The following DNAH11 variants were observed in gnomAD, a reference collection of about 807,000 sequenced individuals.
DNAH11 encodes axonemal beta dynein heavy chain 11.
DNAH11 carries 442 observed loss-of-function variants against 526.0 expected under a neutral mutation model. The observed-to-expected ratio is 0.84, with a 90% confidence interval of 0.78 to 0.91. The LOEUF (loss-of-function observed/expected upper bound fraction) is 0.91, where lower values mean the gene tolerates loss of function less well. Among genes scored for constraint, DNAH11 ranks in the 40% least tolerant of loss-of-function variants. DNAH11 has a pLI of 0.00. For missense variants in DNAH11, 6,989 were observed against 5,448.7 expected (o/e 1.28, Z -8.90); for synonymous variants, 2,461 against 1,935.9 (o/e 1.27, Z -7.12).
chr7:21,591,260 C>T lies in DNAH11; in HGVS notation c.2350C>T (p.Leu784=), dbSNP rs1318536779. The change falls in exon 14 of 82, where the codon CTG becomes TTG. Residue 784 remains leucine (L), a synonymous_variant. Transcript: ENST00000409508. ...GACGCTCCTGGAAGTTGAATACCCT[C>T]TGATTGAAGATGAGCTGAGGGCTAT... ...KQTLLEVEYP[L]IEDELRAIDE... is the part of the protein sequence containing the mutation. 2 of 1,605,550 alleles carry T rather than the reference C, an allele frequency of 1.2e-6. No individual in the cohort carries two copies. The highest frequency in any genetic ancestry group is 1.3e-5 in the African/African-American group (1 of 74,446).
chr7:21,814,368 ATTTT>A (rs1322356180), intron 63 of DNAH11, among the ~76,000 whole-genome samples: 9 of 149,280 alleles, frequency 6.0e-5, no homozygotes, highest in Non-Finnish European at 1.0e-4. Context: ...TTATTTTTTT[ATTTT>A]TATTTTTTAT....
At chr7:21,670,868 G>A (rs913685214) in intron 30 of DNAH11, among the ~76,000 whole-genome samples, 26 of 86,242 alleles carry the variant, frequency 3.0e-4, no homozygotes, top group East Asian at 2.8e-3. Flanking sequence ...AAGTGTGTAC[G>A]TGTGTGTGTG....
intron 42 of DNAH11, among the ~76,000 whole-genome samples, chr7:21,715,873 C>CT (rs1784645359): frequency 1.4e-5 from 2 of 146,968 alleles, no homozygotes; most frequent in Admixed American, 6.8e-5. Flanking sequence ...CCCACCCCCA[C>CT]TTTTTTTCTC....
At chr7:21,886,108 T>C (rs894809339) in intron 76 of DNAH11, among the ~76,000 whole-genome samples, 2 of 152,196 alleles carry the variant, frequency 1.3e-5, no homozygotes, top group Non-Finnish European at 2.9e-5. Context: ...CAACTCTGTT[T>C]AAAGCAATGC....
intron 30 of DNAH11, among the ~76,000 whole-genome samples, chr7:21,679,037 C>T (rs759305667): frequency 6.6e-6 from 1 of 152,128 alleles, no homozygotes; most frequent in Non-Finnish European, 1.5e-5. Flanking sequence ...CATGCACACA[C>T]ACACAGAGGA....
intron 29 of DNAH11, 149 bp downstream of exon 29, chr7:21,656,130 C>T: frequency 2.3e-6 from 2 of 883,366 alleles, no homozygotes; most frequent in Non-Finnish European, 3.2e-6. Context: ...TCTGTATCCA[C>T]TGTGACAGAG....
intron 65 of DNAH11, among the ~76,000 whole-genome samples, chr7:21,839,743 C>T (rs1314050756): frequency 6.6e-6 from 1 of 152,108 alleles, no homozygotes; most frequent in East Asian, 1.9e-4. Context: ...ATTCACCATT[C>T]AACTAATAGG....
intron 45 of DNAH11, among the ~76,000 whole-genome samples, chr7:21,733,232 C>G (rs1396191714): frequency 6.6e-6 from 1 of 152,120 alleles, no homozygotes; most frequent in Non-Finnish European, 1.5e-5. Context: ...ACTAAAAATA[C>G]AAAAAATTAG....
In DNAH11 at chr7:21,773,974, A is replaced by G. The variant is rs759715306; in HGVS notation, c.9311A>G (p.Gln3104Arg). 7 of 1,570,820 alleles carry G rather than the reference A, an allele frequency of 4.5e-6. No individual in the cohort carries two copies. The East Asian group carries it at 1.6e-4, about 37-fold the overall frequency. The change falls in exon 56 of 82, where the codon CAA (glutamine) becomes CGA (arginine). Residue 3104 changes from glutamine to arginine, a missense_variant. Gln to Arg is a conservative substitution (Grantham distance 43). Transcript: ENST00000409508. The stretch of plus-strand genomic sequence containing the variant: ...AAAGAACGCCTGGTGAACGGCATCC[A>G]AAAGCTAAAAACCACAGCCTCTCAG... ...EKKERLVNGI[Q>R]KLKTTASQVG...
chr7:21,879,347 C>T (rs1362890808), intron 74 of DNAH11, among the ~76,000 whole-genome samples: 1 of 152,048 alleles, frequency 6.6e-6, no homozygotes, highest in Non-Finnish European at 1.5e-5. Flanking sequence ...GTCCCAGCTA[C>T]TCGGGAGGCT....
intron 2 of DNAH11, among the ~76,000 whole-genome samples, chr7:21,554,859 A>G (rs1213836622): frequency 1.3e-5 from 2 of 152,210 alleles, no homozygotes; most frequent in Non-Finnish European, 2.9e-5. Flanking sequence ...GAAGTTCTCA[A>G]TATCCCTCTT....
intron 32 of DNAH11, 143 bp from the exon 33 acceptor site, chr7:21,686,956 A>G (rs567480546): frequency 9.0e-6 from 6 of 665,732 alleles, no homozygotes; most frequent in African/African-American, 5.5e-5. Flanking sequence ...CATTATTGCC[A>G]TGAACAAATC....
At position 21,701,947 on chromosome 7, in the gene DNAH11, C is replaced by G. The variant is rs144265076; in HGVS notation, c.6181-763C>G. ...CTGGACGGTGAAAGAGGGCCAGTCC[C>G]GTGTAAGCAGTTAGTTCGTTAGGAA... On this transcript the variant is annotated intron_variant, in intron 36 of 81. Transcript: ENST00000409508. 4.2e-3 allele frequency among the ~76,000 whole-genome samples: 639 copies of G among 152,162 alleles called. 7 individuals carry two copies. Among genetic ancestry groups the G allele is most frequent in the African/African-American group, 0.015 (606 of 41,516 alleles).
intron 25 of DNAH11, among the ~76,000 whole-genome samples, chr7:21,629,271 C>A (rs1018783508): frequency 6.6e-6 from 1 of 152,052 alleles, no homozygotes; most frequent in Non-Finnish European, 1.5e-5. Context: ...AGAAAAGGTA[C>A]TCGATATGAT....
intron 55 of DNAH11, among the ~76,000 whole-genome samples, chr7:21,769,119 AT>A (rs1334109704): frequency 6.6e-6 from 1 of 152,270 alleles, no homozygotes; most frequent in Admixed American, 6.5e-5. Context: ...TATTGAAGCC[AT>A]TTAAAAATAT....
chr7:21,736,012 T>G (rs1356476896), intron 46 of DNAH11, among the ~76,000 whole-genome samples, 168 bp downstream of exon 46: 6 of 152,216 alleles, frequency 3.9e-5, no homozygotes, highest in Non-Finnish European at 8.8e-5. Context: ...GTTTAAATAT[T>G]GTTGTGATTT....
chr7:21,671,184 C>G (rs1782628463), intron 30 of DNAH11, among the ~76,000 whole-genome samples: 1 of 152,016 alleles, frequency 6.6e-6, no homozygotes, highest in African/African-American at 2.4e-5. Flanking sequence ...TTTTTGGGCT[C>G]TTCCTTTCTT....
At chr7:21,748,494 C>G in intron 51 of DNAH11, 86 bp from the exon 52 acceptor site, 6 of 1,282,950 alleles carry the variant, frequency 4.7e-6, no homozygotes, top group Non-Finnish European at 6.0e-6. Flanking sequence ...ATCTCAAAAG[C>G]AAATAAATAA....
At chr7:21,892,811 AACACT>A in intron 77 of DNAH11, 144 bp downstream of exon 77, 1 of 961,572 alleles carries the variant, frequency 1.0e-6, no homozygotes, top group African/African-American at 1.7e-5. Context: ...TAACATTTCC[AACACT>A]CCAGAAGGAT....
Sources: gnomAD v4.1 joint callset for allele counts (sites outside exome capture counted in the v4.1 genomes callset) on GRCh38, gnomAD v4.1.1 for gene constraint, MANE v1.5 for transcripts, NCBI Gene and HGNC (gene_info 2026-07-23, HGNC 2026-07-21) for gene names.